DNAH7: variants seen among roughly 807,000 people sequenced by gnomAD.
DNAH7 encodes the protein dynein axonemal heavy chain 7, also known as axonemal beta dynein heavy chain 7.
DNAH7 carries 397 observed loss-of-function variants against 444.6 expected under a neutral mutation model. The ratio of observed to expected loss-of-function variants is 0.89; its 90% confidence interval spans 0.82 to 0.97. The LOEUF (loss-of-function observed/expected upper bound fraction) is 0.97, where lower values mean the gene tolerates loss of function less well. DNAH7 is among the 50% of genes least tolerant of loss of function. The probability of loss-of-function intolerance (pLI) is 0.00; values close to 1 mark genes in which losing one functional copy is unlikely to be tolerated. For synonymous variants in DNAH7, 1,636 were observed against 1,624.4 expected, an observed-to-expected ratio of 1.01 and a Z score of -0.17; for missense variants, 4,902 against 4,800.8, an observed-to-expected ratio of 1.02 and a Z score of -0.62.
At chr2:195,845,994 G>A (rs1162287063) in intron 46 of DNAH7, among the ~76,000 whole-genome samples, 2 of 152,086 alleles carry the variant, frequency 1.3e-5, no homozygotes, top group African/African-American at 2.4e-5. Context: ...CAACAAAAAC[G>A]AAAATTGACA....
At chr2:195,972,216 G>T in intron 16 of DNAH7, 26 bp downstream of exon 16, 1 of 1,565,508 alleles carries the variant, frequency 6.4e-7, no homozygotes, top group Non-Finnish European at 8.7e-7. Flanking sequence ...TCCAGAAAAT[G>T]AAAATAAAAT....
chr2:195,771,357 T>A (rs1694831088), intron 61 of DNAH7, among the ~76,000 whole-genome samples: 1 of 151,600 alleles, frequency 6.6e-6, no homozygotes, highest in Non-Finnish European at 1.5e-5. Context: ...ATAATAATAA[T>A]AAATGAAAAA....
At chr2:195,970,176 C>A in intron 16 of DNAH7, 82 bp from the exon 17 acceptor site, 1 of 1,296,606 alleles carries the variant, frequency 7.7e-7, no homozygotes, top group Non-Finnish European at 1.0e-6. Context: ...TAGGAGTTAT[C>A]AGAATTATTA....
chr2:195,913,094 A>T (rs922489373), intron 24 of DNAH7, among the ~76,000 whole-genome samples: 2 of 151,976 alleles, frequency 1.3e-5, no homozygotes, highest in South Asian at 4.1e-4. Context: ...GAGCAACTTT[A>T]AAAAAAACAG....
intron 24 of DNAH7, among the ~76,000 whole-genome samples, chr2:195,913,822 T>C (rs1687505250): frequency 6.6e-6 from 1 of 152,196 alleles, no homozygotes; most frequent in African/African-American, 2.4e-5. Context: ...TTCAAGCGAT[T>C]CTCCTGCCTC....
At chr2:196,000,622 T>A in intron 12 of DNAH7, 82 bp downstream of exon 12, 1 of 1,163,712 alleles carries the variant, frequency 8.6e-7, no homozygotes, top group Non-Finnish European at 1.2e-6. Flanking sequence ...AAGCAGAGGA[T>A]ACCTGCCTTC....
At position 195,857,120 on chromosome 2, in the gene DNAH7, A is replaced by T. The variant is rs184617440; in HGVS notation, c.8414+257T>A. The stretch of plus-strand genomic sequence containing the variant: ...TCCATTTTAATTTCTAATATGGTAA[A>T]TAAACAAAATTTTATTGGGGTCTTC... On this transcript the variant is annotated intron_variant, in intron 44 of 64. Transcript: ENST00000312428. Among the ~76,000 whole-genome samples, 11 of 152,252 alleles carry T rather than the reference A, an allele frequency of 7.2e-5. No individual in the cohort carries two copies. In the East Asian group the frequency reaches 2.1e-3, roughly 29 times the overall value.
At chr2:195,897,297 C>A (rs1018494659) in intron 29 of DNAH7, among the ~76,000 whole-genome samples, 1 of 152,080 alleles carries the variant, frequency 6.6e-6, no homozygotes, top group Non-Finnish European at 1.5e-5. Flanking sequence ...TATTTTATTT[C>A]TTCAGTCATT....
intron 63 of DNAH7, among the ~76,000 whole-genome samples, chr2:195,748,184 AC>A (rs1232623882): frequency 2.0e-5 from 3 of 152,194 alleles, no homozygotes; most frequent in African/African-American, 7.2e-5. Context: ...ATTCTTATAC[AC>A]CAATAACAGA....
chr2:195,846,949 ATGTGTGTGTGTGTG>A (rs35075325), intron 46 of DNAH7, among the ~76,000 whole-genome samples: 4 of 137,216 alleles, frequency 2.9e-5, no homozygotes, highest in East Asian at 2.1e-4. Context: ...ACTCCCATAT[ATGTGTGTGTGTGTG>A]TGTGTGTGTG....
At position 195,834,358 on chromosome 2, in the gene DNAH7, T is replaced by C. The variant is rs751976114; in HGVS notation, c.8948A>G (p.Asn2983Ser). The change falls in exon 48 of 65, where the codon AAT (asparagine) becomes AGT (serine). Residue 2983 changes from asparagine (N) to serine (S), a missense_variant and splice_region_variant. Physicochemically the swap from Asn to Ser is conservative, Grantham distance 46. Coordinates refer to ENST00000312428, the MANE Select transcript of DNAH7 (RefSeq NM_018897.3). ...FSIDNGIIIM[N>S]ARRWPLMIDP... ...TATCATCAGAGGCCACCTTCTTGCA[T>C]TCCTGAAAAGGAGGAGAAAGACGAT... is the stretch of plus-strand genomic sequence containing the variant. The C allele has an allele frequency of 3.1e-6, 5 of 1,589,878 alleles. No individual in the cohort carries two copies. The African/African-American group carries it at 4.0e-5, about 13-fold the overall frequency.
chr2:196,057,351 T>C (rs1046641251), intron 2 of DNAH7, among the ~76,000 whole-genome samples: 14 of 152,234 alleles, frequency 9.2e-5, no homozygotes, highest in African/African-American at 2.9e-4. Flanking sequence ...CAAGTAAATT[T>C]AAATTTAACA....
chr2:196,002,221 A>G (rs1694079889), intron 10 of DNAH7, among the ~76,000 whole-genome samples: 1 of 152,244 alleles, frequency 6.6e-6, no homozygotes, highest in South Asian at 2.1e-4. Context: ...GTTAGTTTAA[A>G]GTTAAAATGT....
chr2:195,960,134 T>C, intron 18 of DNAH7, 126 bp downstream of exon 18: 1 of 801,636 alleles, frequency 1.2e-6, no homozygotes, highest in East Asian at 2.8e-5. Context: ...CAAAATCAAT[T>C]CTCAAAAGAA....
chr2:196,044,475 T>C (rs953409758), intron 5 of DNAH7, among the ~76,000 whole-genome samples: 1 of 151,884 alleles, frequency 6.6e-6, no homozygotes, highest in Non-Finnish European at 1.5e-5. Context: ...GATAAAAGAC[T>C]ACACATTGGG....
At chr2:195,875,532 A>C (rs1559172590) in intron 38 of DNAH7, 143 bp downstream of exon 38, 2 of 740,788 alleles carry the variant, frequency 2.7e-6, no homozygotes, top group Non-Finnish European at 4.2e-6. Flanking sequence ...CATATGATAC[A>C]CTCTGTTAGG....
chr2:195,823,073 AC>A (rs200504433), intron 49 of DNAH7, among the ~76,000 whole-genome samples: 1,816 of 152,320 alleles, frequency 0.012, 10 homozygotes, highest in Middle Eastern at 0.031. Flanking sequence ...CAAATCGCAC[AC>A]CTGGCAAGTA....
chr2:195,951,166 CTTAT>C (rs1296070741), intron 19 of DNAH7, among the ~76,000 whole-genome samples: 2 of 152,104 alleles, frequency 1.3e-5, no homozygotes, highest in African/African-American at 4.8e-5. Flanking sequence ...CTTCAAAGAA[CTTAT>C]TTATTTCTGC....
At chr2:195,789,203 A>G (rs1695762097) in intron 57 of DNAH7, among the ~76,000 whole-genome samples, 1 of 152,130 alleles carries the variant, frequency 6.6e-6, no homozygotes, top group Non-Finnish European at 1.5e-5. Context: ...TACCAAGTAC[A>G]GAGGAAGCAG....
Sources: allele counts gnomAD v4.1 joint callset (sites outside exome capture counted in the v4.1 genomes callset), GRCh38; gene constraint gnomAD v4.1.1; transcripts MANE v1.5; gene names NCBI Gene and HGNC (gene_info 2026-07-23, HGNC 2026-07-21).